MAST4: variants seen among roughly 807,000 people sequenced by gnomAD.
MAST4 encodes the protein microtubule-associated serine/threonine-protein kinase 4.
Under a neutral mutation model 162.7 loss-of-function variants are expected in MAST4, and 89 were observed. The ratio of observed to expected loss-of-function variants is 0.55; its 90% confidence interval spans 0.46 to 0.65. The LOEUF is 0.65. Among genes scored for constraint, MAST4 ranks in the 30% least tolerant of loss-of-function variants. The pLI, the probability that MAST4 is intolerant of heterozygous loss-of-function variation, is 0.00. For missense variants in MAST4, 3,153 were observed against 3,374.0 expected, an observed-to-expected ratio of 0.93 and a Z score of 1.62; for synonymous variants, 1,479 against 1,361.1, an observed-to-expected ratio of 1.09 and a Z score of -1.91.
intron 4 of MAST4, among the ~76,000 whole-genome samples, chr5:66,992,139 G>A (rs34692): frequency 0.82 from 124,733 of 152,142 alleles, 51,205 homozygotes; most frequent in East Asian, 0.87. Context: ...GTATGCATGC[G>A]TGATTTTATG....
chr5:67,157,760 T>G (rs1772708570), intron 26 of MAST4, among the ~76,000 whole-genome samples: 1 of 152,180 alleles, frequency 6.6e-6, no homozygotes, highest in Non-Finnish European at 1.5e-5. Flanking sequence ...AACAAGAACC[T>G]TGTTGTCTGT....
At chr5:66,802,268 CTCTG>C (rs1022570147) in intron 3 of MAST4, among the ~76,000 whole-genome samples, 29 of 152,024 alleles carry the variant, frequency 1.9e-4, no homozygotes, top group African/African-American at 2.7e-4. Flanking sequence ...GCATGATTCT[CTCTG>C]TATTCATGGA....
rs1327944367 is a variant in MAST4 at position 67,167,618 on chromosome 5, C to T, written c.*567C>T. 1 of 152,170 alleles carries T rather than the reference C, an allele frequency of 6.6e-6. No homozygotes were observed. Among genetic ancestry groups the T allele is most frequent in the Non-Finnish European group, 1.5e-5 (1 of 68,050 alleles). The allele number at this position is 152,170 out of a possible 1,614,324, so 9.4% of individuals were successfully genotyped here. A position where few individuals can be genotyped will look rare whatever the true frequency, so the allele number is the denominator to read the frequency against. On this transcript the variant is annotated 3_prime_UTR_variant, in exon 29 of 29. Transcript: ENST00000403625. Reference sequence around the variant, plus strand: ...TTCTAAGTTAAGATGGAAGAAAGCCCTAAACACAGTAGATTCTGAGTTTTT... The same window carrying T: ...TTCTAAGTTAAGATGGAAGAAAGCCTTAAACACAGTAGATTCTGAGTTTTT...
At chr5:66,700,707 C>CA (rs940739832) in intron 1 of MAST4, among the ~76,000 whole-genome samples, 7 of 147,806 alleles carry the variant, frequency 4.7e-5, no homozygotes, top group Admixed American at 1.4e-4. Flanking sequence ...AAAACAAAAA[C>CA]AAAAAAAACA....
intron 19 of MAST4, 130 bp downstream of exon 19, chr5:67,136,794 C>T (rs1166370900): frequency 4.6e-6 from 3 of 652,058 alleles, no homozygotes; most frequent in African/African-American, 3.6e-5. Context: ...AACATGACTG[C>T]AACACATTAT....
chr5:66,637,691 G>A (rs1745213380), intron 1 of MAST4, among the ~76,000 whole-genome samples: 1 of 151,820 alleles, frequency 6.6e-6, no homozygotes, highest in African/African-American at 2.4e-5. Context: ...AGAAAGTTTT[G>A]ATATATCTTC....
At chr5:66,835,216 T>TTAGG (rs1480788437) in intron 3 of MAST4, among the ~76,000 whole-genome samples, 1 of 152,180 alleles carries the variant, frequency 6.6e-6, no homozygotes, top group African/African-American at 2.4e-5. Flanking sequence ...GTCTCTTATA[T>TTAGG]TAGGCCCACA....
At chr5:66,723,406 C>G (rs150980861) in intron 1 of MAST4, among the ~76,000 whole-genome samples, 62 of 152,216 alleles carry the variant, frequency 4.1e-4, no homozygotes, top group South Asian at 2.7e-3. Flanking sequence ...TAAGTTTGTT[C>G]CACTGCTGTA....
intron 1 of MAST4, among the ~76,000 whole-genome samples, chr5:66,671,649 GA>G: frequency 6.6e-6 from 1 of 152,126 alleles, no homozygotes; most frequent in Non-Finnish European, 1.5e-5. Flanking sequence ...GTTTTGGAGA[GA>G]ATAATTTTCC....
At chr5:66,809,216 G>A (rs1232972557) in intron 3 of MAST4, among the ~76,000 whole-genome samples, 2 of 152,214 alleles carry the variant, frequency 1.3e-5, no homozygotes, top group East Asian at 3.8e-4. Flanking sequence ...AGGGAAAGGC[G>A]TATGAATTCA....
At chr5:67,022,062 A>G (rs1224430956) in intron 4 of MAST4, among the ~76,000 whole-genome samples, 1 of 152,150 alleles carries the variant, frequency 6.6e-6, no homozygotes, top group East Asian at 1.9e-4. Flanking sequence ...GTAATTCTGT[A>G]TATACTTATC....
chr5:67,169,224 A>G lies in MAST4; in HGVS notation c.*2173A>G, dbSNP rs573686525. On this transcript the variant is annotated 3_prime_UTR_variant, in exon 29 of 29. Coordinates refer to ENST00000403625, the MANE Select transcript of MAST4 (RefSeq NM_001164664.2). ...CTATTTGTTTACAAATGATATTTTT[A>G]TGTATATTTTGTATAGTGTATCATC... 1 of 152,308 alleles carries G rather than the reference A, an allele frequency of 6.6e-6. No homozygotes were observed. Among genetic ancestry groups the G allele is most frequent in the East Asian group, 1.9e-4 (1 of 5,188 alleles). The allele number at this position is 152,308 out of a possible 1,614,324, so 9.4% of individuals were successfully genotyped here. A position where few individuals can be genotyped will look rare whatever the true frequency, so the allele number is the denominator to read the frequency against.
intron 4 of MAST4, among the ~76,000 whole-genome samples, chr5:66,908,897 G>A (rs947530294): frequency 6.6e-6 from 1 of 152,160 alleles, no homozygotes; most frequent in African/African-American, 2.4e-5. Flanking sequence ...AAAGTAGAAT[G>A]AGAATATTAT....
At chr5:67,069,312 A>ATATATATATATAT (rs1561606003) in intron 5 of MAST4, among the ~76,000 whole-genome samples, 54 of 133,984 alleles carry the variant, frequency 4.0e-4, no homozygotes, top group African/African-American at 5.8e-4. Flanking sequence ...ATATATATAT[A>ATATATATATATAT]AAATTTTAAA....
chr5:66,835,702 A>G (rs1263851685), intron 3 of MAST4, among the ~76,000 whole-genome samples: 1 of 152,204 alleles, frequency 6.6e-6, no homozygotes, highest in African/African-American at 2.4e-5. Flanking sequence ...AGATGTTTGA[A>G]TTTACTTGAA....
intron 3 of MAST4, among the ~76,000 whole-genome samples, chr5:66,802,446 C>G (rs549914059): frequency 2.6e-4 from 39 of 152,236 alleles, no homozygotes; most frequent in African/African-American, 9.1e-4. Flanking sequence ...TGTTCTTAGT[C>G]TACCCTCTAT....
chr5:67,111,274 A>G (rs1434021153), intron 11 of MAST4, among the ~76,000 whole-genome samples: 1 of 152,202 alleles, frequency 6.6e-6, no homozygotes, highest in African/African-American at 2.4e-5. Context: ...ATACACACAT[A>G]CATACATACA....
At chr5:66,679,409 GA>G (rs1748180196) in intron 1 of MAST4, among the ~76,000 whole-genome samples, 1 of 152,210 alleles carries the variant, frequency 6.6e-6, no homozygotes, top group African/African-American at 2.4e-5. Flanking sequence ...GAGACATCGG[GA>G]GCACTGTTGT....
At chr5:66,664,637 G>A (rs776334695) in intron 1 of MAST4, among the ~76,000 whole-genome samples, 4 of 151,298 alleles carry the variant, frequency 2.6e-5, no homozygotes, top group Admixed American at 6.6e-5. Context: ...CACAAGACTG[G>A]ATGAGGCCAT....
Sources: allele counts gnomAD v4.1 joint callset (sites outside exome capture counted in the v4.1 genomes callset), GRCh38; gene constraint gnomAD v4.1.1; transcripts MANE v1.5; gene names NCBI Gene and HGNC (gene_info 2026-07-23, HGNC 2026-07-21).